Variants in TENM2 observed in about 807,000 individuals in gnomAD.
TENM2 encodes the protein teneurin transmembrane protein 2, also known as teneurin-2.
A neutral mutation model predicts 245.2 loss-of-function variants in TENM2; 52 were observed. The observed-to-expected ratio is 0.21, with a 90% CI of 0.17 to 0.27. The LOEUF is 0.27. Among genes scored for constraint, TENM2 ranks in the 10% least tolerant of loss-of-function variants. The probability of loss-of-function intolerance (pLI) is 1.00; values close to 1 mark genes in which losing one functional copy is unlikely to be tolerated. For synonymous variants in TENM2, 1,363 were observed against 1,438.9 expected (o/e 0.95, Z 1.19); for missense variants, 3,046 against 3,666.8 (o/e 0.83, Z 4.37).
intron 2 of TENM2, among the ~76,000 whole-genome samples, chr5:167,703,245 C>T (rs1345954174): frequency 6.6e-6 from 1 of 152,074 alleles, no homozygotes; most frequent in Non-Finnish European, 1.5e-5. Context: ...AAAAAGACTA[C>T]ATTAAGCCAG....
At chr5:167,092,114 C>G in the TENM2 span, among the ~76,000 whole-genome samples, 21,184 of 151,940 alleles carry the variant, frequency 0.14, 2,056 homozygotes, top group East Asian at 0.37. Context: ...ATTTGTCCTG[C>G]CCCCTGTTTT....
intron 2 of TENM2, among the ~76,000 whole-genome samples, chr5:167,624,844 T>C (rs933828065): frequency 6.6e-6 from 1 of 152,180 alleles, no homozygotes; most frequent in Admixed American, 6.6e-5. Context: ...CTATAATATG[T>C]TTAGTAAACA....
chr5:168,248,783 G>C (rs1020659331), intron 27 of TENM2, among the ~76,000 whole-genome samples: 2 of 152,164 alleles, frequency 1.3e-5, no homozygotes, highest in Admixed American at 1.3e-4. Context: ...CCTGTGAAGG[G>C]CACTGATAAA....
At chr5:167,712,125 A>G (rs1341608625) in intron 2 of TENM2, among the ~76,000 whole-genome samples, 2 of 150,652 alleles carry the variant, frequency 1.3e-5, no homozygotes, top group Non-Finnish European at 1.5e-5. Context: ...GCTCCAATCA[A>G]CTCGATCTTA....
chr5:167,213,605 C>G, the TENM2 span, among the ~76,000 whole-genome samples: 1 of 152,052 alleles, frequency 6.6e-6, no homozygotes, highest in Admixed American at 6.6e-5. Flanking sequence ...AAAAATGCTC[C>G]TTAAAATCAC....
chr5:168,061,926 A>T, intron 6 of TENM2, 134 bp from the exon 9 acceptor site: 1 of 819,026 alleles, frequency 1.2e-6, no homozygotes, highest in Non-Finnish European at 1.9e-6. Context: ...GTAACTTAAA[A>T]AGAAACTTGC....
At chr5:167,997,631 C>T (rs1784151145) in intron 5 of TENM2, among the ~76,000 whole-genome samples, 2 of 152,154 alleles carry the variant, frequency 1.3e-5, no homozygotes, top group Non-Finnish European at 1.5e-5. Flanking sequence ...TATGGCTGTG[C>T]ACCCATAAAA....
At chr5:168,000,215 A>G (rs1784330833) in intron 5 of TENM2, among the ~76,000 whole-genome samples, 1 of 152,212 alleles carries the variant, frequency 6.6e-6, no homozygotes, top group South Asian at 2.1e-4. Context: ...TCCATTTCTG[A>G]CATCTTTCGT....
At chr5:167,433,223 A>G (rs1368849177) in intron 2 of TENM2, among the ~76,000 whole-genome samples, 1 of 152,116 alleles carries the variant, frequency 6.6e-6, no homozygotes, top group South Asian at 2.1e-4. Context: ...AATTTATAAA[A>G]TATCTGTTGG....
chr5:167,753,111 C>T (rs1464807635), intron 2 of TENM2, among the ~76,000 whole-genome samples: 1 of 152,130 alleles, frequency 6.6e-6, no homozygotes, highest in Non-Finnish European at 1.5e-5. Flanking sequence ...TCTTAGACCA[C>T]ACCCAGAAAA....
chr5:168,073,053 C>G (rs910154122), intron 7 of TENM2, among the ~76,000 whole-genome samples: 12 of 152,146 alleles, frequency 7.9e-5, no homozygotes, highest in Non-Finnish European at 5.9e-5. Flanking sequence ...CCAGGGGACA[C>G]AGTGCACACT....
intron 2 of TENM2, among the ~76,000 whole-genome samples, chr5:167,760,450 T>G (rs528883430): frequency 6.6e-6 from 1 of 152,268 alleles, no homozygotes; most frequent in Admixed American, 6.5e-5. Context: ...GGCCCTAACA[T>G]CCAATTGCAG....
chr5:167,012,851 T>C, the TENM2 span, among the ~76,000 whole-genome samples: 8 of 145,160 alleles, frequency 5.5e-5, no homozygotes, highest in South Asian at 1.8e-3. Context: ...TGTGTGTTTG[T>C]GTGTGTGTGT....
intron 2 of TENM2, among the ~76,000 whole-genome samples, chr5:167,472,935 T>C (rs555037625): frequency 6.6e-6 from 1 of 152,288 alleles, no homozygotes; most frequent in Non-Finnish European, 1.5e-5. Context: ...CAGTGTGACC[T>C]TGAGGAATTT....
chr5:168,155,965 C>T (rs1277372903), intron 12 of TENM2, among the ~76,000 whole-genome samples: 1 of 145,172 alleles, frequency 6.9e-6, no homozygotes, highest in African/African-American at 2.5e-5. Context: ...ATTATTTGAT[C>T]AGCACATATT....
At chr5:167,703,788 T>C (rs1490512890) in intron 2 of TENM2, among the ~76,000 whole-genome samples, 1 of 152,170 alleles carries the variant, frequency 6.6e-6, no homozygotes. Context: ...TTAGGTCTTT[T>C]CGTGTGATGT....
chr5:167,033,191 G>A, the TENM2 span, among the ~76,000 whole-genome samples: 1 of 152,188 alleles, frequency 6.6e-6, no homozygotes, highest in African/African-American at 2.4e-5. Flanking sequence ...TAAAGTTAGA[G>A]TCAATAGTAT....
chr5:167,282,817 C>T (rs1000058792), upstream of TENM2, among the ~76,000 whole-genome samples: 3 of 151,962 alleles, frequency 2.0e-5, no homozygotes, highest in African/African-American at 7.3e-5. Context: ...CTAGTAATTG[C>T]CTTAATGTGG....
the TENM2 span, among the ~76,000 whole-genome samples, chr5:167,017,478 T>C: frequency 1.3e-5 from 2 of 152,192 alleles, no homozygotes; most frequent in Admixed American, 6.5e-5. Flanking sequence ...AAAGCAGCCA[T>C]AGACAATATG....
Sources: gnomAD v4.1 joint callset for allele counts (sites outside exome capture counted in the v4.1 genomes callset) on GRCh38, gnomAD v4.1.1 for gene constraint, MANE v1.5 for transcripts, NCBI Gene and HGNC (gene_info 2026-07-23, HGNC 2026-07-21) for gene names.